SH3PXD2A: variants seen among roughly 807,000 people sequenced by gnomAD.
The protein encoded by SH3PXD2A is SH3 and PX domain-containing protein 2A.
In SH3PXD2A, 32 loss-of-function variants were observed where a neutral mutation model predicts 115.2. That is an observed-to-expected ratio of 0.28 (90% confidence interval 0.21 to 0.37). The LOEUF is 0.37. Ranked by LOEUF, SH3PXD2A falls within the 10% of genes least tolerant of loss-of-function variation. The pLI, the probability that SH3PXD2A is intolerant of heterozygous loss-of-function variation, is 1.00. For missense variants in SH3PXD2A, 1,328 were observed against 1,498.7 expected (o/e 0.89, Z 1.88); for synonymous variants, 610 against 629.1 (o/e 0.97, Z 0.45).
At chr10:103,706,351 C>T (rs1453247029) in intron 5 of SH3PXD2A, among the ~76,000 whole-genome samples, 2 of 152,214 alleles carry the variant, frequency 1.3e-5, no homozygotes, top group African/African-American at 4.8e-5. Flanking sequence ...GCTGGTTTTA[C>T]AGCCTCCTCT....
At chr10:103,764,181 C>A in intron 3 of SH3PXD2A, among the ~76,000 whole-genome samples, 1 of 152,174 alleles carries the variant, frequency 6.6e-6, no homozygotes, top group East Asian at 1.9e-4. Flanking sequence ...CTCAACTTGC[C>A]CTGGCCAGGT....
chr10:103,615,483 G>GGTGTGTGTGTGTGTGTGT (rs57711259), intron 11 of SH3PXD2A, among the ~76,000 whole-genome samples: 1,425 of 128,472 alleles, frequency 0.011, 48 homozygotes, highest in East Asian at 0.023. Context: ...AGAGTGCGAG[G>GGTGTGTGTGTGTGTGTGT]GTGTGTGTGT....
At chr10:103,712,757 T>C (rs996915920) in intron 5 of SH3PXD2A, among the ~76,000 whole-genome samples, 1 of 152,256 alleles carries the variant, frequency 6.6e-6, no homozygotes, top group South Asian at 2.1e-4. Flanking sequence ...GCAGTTATTC[T>C]GCCCTTCTGT....
intron 2 of SH3PXD2A, among the ~76,000 whole-genome samples, chr10:103,775,385 A>G (rs1481544664): frequency 6.6e-6 from 1 of 152,184 alleles, no homozygotes; most frequent in African/African-American, 2.4e-5. Context: ...AACTAGCAGC[A>G]TTAAGTGGGT....
intron 5 of SH3PXD2A, among the ~76,000 whole-genome samples, chr10:103,711,942 T>C (rs1484324716): frequency 1.3e-5 from 2 of 151,876 alleles, no homozygotes; most frequent in South Asian, 4.2e-4. Context: ...GTGCCTGCAG[T>C]CCCAGCTACT....
chr10:103,698,488 C>T (rs1003662919), intron 5 of SH3PXD2A, among the ~76,000 whole-genome samples: 2 of 152,180 alleles, frequency 1.3e-5, no homozygotes, highest in Non-Finnish European at 2.9e-5. Context: ...CTCAAGAGGC[C>T]GGCTGGGCTG....
Position 103,617,267 on chromosome 10 carries a change from C to T in SH3PXD2A, c.850G>A (p.Glu284Lys), listed in dbSNP as rs755909162. The change falls in exon 11 of 15, where the codon GAG (glutamate) becomes AAG (lysine). Residue 284 changes from glutamate (E) to lysine (K), a missense_variant. Transcript: ENST00000369774. The stretch of plus-strand genomic sequence containing the variant: ...GTGACGCCCTTCTCAAAGCCAATCT[C>T]GTCCTTGCTTTGGCTGGTGTAAGGC... ...VQPYTSQSKDEIGFEKGVTVE... is the reference protein window; with the variant it reads ...VQPYTSQSKDKIGFEKGVTVE... 6.8e-6 allele frequency: 11 copies of T among 1,614,096 alleles called. No individual in the cohort carries two copies. The highest frequency in any genetic ancestry group is 1.6e-4 in the Middle Eastern group (1 of 6,084).
At chr10:103,703,608 GT>G (rs35290264) in intron 5 of SH3PXD2A, among the ~76,000 whole-genome samples, 33,768 of 152,176 alleles carry the variant, frequency 0.22, 4,179 homozygotes, top group Non-Finnish European at 0.28. Flanking sequence ...GAGCTGTCCA[GT>G]AGAATTCTCC....
intron 8 of SH3PXD2A, among the ~76,000 whole-genome samples, chr10:103,633,474 G>A (rs987356691): frequency 6.6e-6 from 1 of 151,744 alleles, no homozygotes; most frequent in Non-Finnish European, 1.5e-5. Context: ...TGTAATCCCT[G>A]TAGCACTTTG....
Position 103,603,414 on chromosome 10 carries a change from G to C in SH3PXD2A, c.1804C>G (p.Arg602Gly). The change falls in exon 15 of 15, where the codon CGC becomes GGC. Residue 602 changes from arginine to glycine, a missense_variant. This residue lies in a region of SH3PXD2A where 509 missense variants were observed against 628.3 expected (regional missense o/e 0.81). Transcript: ENST00000369774. Reference sequence around the variant, plus strand: ...TCTGAAGACTCACCCACCTTGAAGCGGGCCCGCTGCAGAGAAGAGGCCGGC... The same window carrying C: ...TCTGAAGACTCACCCACCTTGAAGCCGGCCCGCTGCAGAGAAGAGGCCGGC... ...PSPASSLQRA[R>G]FKVGESSEDV... is the part of the protein sequence containing the mutation. 1 of 1,614,058 alleles carries C rather than the reference G, an allele frequency of 6.2e-7. No homozygotes were observed. The highest frequency in any genetic ancestry group is 8.5e-7 in the Non-Finnish European group (1 of 1,179,974).
chr10:103,706,103 G>A (rs544566086), intron 5 of SH3PXD2A, among the ~76,000 whole-genome samples: 1 of 152,284 alleles, frequency 6.6e-6, no homozygotes. Context: ...GCATGAGAAT[G>A]TCCAACAGGA....
chr10:103,619,238 G>A (rs2133943523), intron 10 of SH3PXD2A, among the ~76,000 whole-genome samples: 1 of 152,292 alleles, frequency 6.6e-6, no homozygotes, highest in South Asian at 2.1e-4. Context: ...CCTTTGAGAA[G>A]TTCAGGGCTC....
At chr10:103,789,462 C>T (rs1415544880) in intron 2 of SH3PXD2A, among the ~76,000 whole-genome samples, 1 of 152,162 alleles carries the variant, frequency 6.6e-6, no homozygotes, top group Non-Finnish European at 1.5e-5. Context: ...CCAGGAGGCA[C>T]TTGAAATTCC....
intron 2 of SH3PXD2A, among the ~76,000 whole-genome samples, chr10:103,774,990 A>C (rs1296967708): frequency 6.6e-6 from 1 of 152,182 alleles, no homozygotes; most frequent in Admixed American, 6.5e-5. Context: ...ATTCAAGTTA[A>C]GTGACTCTTC....
chr10:103,739,742 C>T (rs114597458), intron 3 of SH3PXD2A, among the ~76,000 whole-genome samples: 2,306 of 152,282 alleles, frequency 0.015, 70 homozygotes, highest in African/African-American at 0.053. Flanking sequence ...GAAGATTGCA[C>T]GGGGCATGAG....
intron 1 of SH3PXD2A, among the ~76,000 whole-genome samples, chr10:103,806,404 C>T (rs2039203276): frequency 6.6e-6 from 1 of 152,130 alleles, no homozygotes; most frequent in East Asian, 1.9e-4. Context: ...TGCCTAGCTC[C>T]CAACCTCAAC....
chr10:103,690,622 C>A (rs1450848200), intron 6 of SH3PXD2A, among the ~76,000 whole-genome samples: 1 of 152,124 alleles, frequency 6.6e-6, no homozygotes, highest in Non-Finnish European at 1.5e-5. Context: ...ATCTGCTTTA[C>A]TCAAAATCCA....
chr10:103,795,683 T>C (rs1170886257), intron 2 of SH3PXD2A, among the ~76,000 whole-genome samples: 1 of 152,188 alleles, frequency 6.6e-6, no homozygotes, highest in African/African-American at 2.4e-5. Context: ...ACATCTGGAA[T>C]GGTGTAAAAC....
chr10:103,825,048 G>A (rs1004356934), intron 1 of SH3PXD2A, among the ~76,000 whole-genome samples: 14 of 152,136 alleles, frequency 9.2e-5, no homozygotes, highest in African/African-American at 2.7e-4. Flanking sequence ...GTAATCCACC[G>A]GCTTAGGCCT....
Sources: gnomAD v4.1 joint callset for allele counts (sites outside exome capture counted in the v4.1 genomes callset) on GRCh38, gnomAD v4.1.1 for gene constraint, gnomAD v4.1.1 regional missense constraint, MANE v1.5 for transcripts, NCBI Gene and HGNC (gene_info 2026-07-23, HGNC 2026-07-21) for gene names.